Variants in WDFY4 observed in about 807,000 individuals in gnomAD.
WDFY4 encodes the protein WDFY family member 4.
WDFY4 carries 169 observed loss-of-function variants against 351.9 expected under a neutral mutation model. That is an observed-to-expected ratio of 0.48 (90% CI 0.42 to 0.55). WDFY4 has a LOEUF of 0.55. WDFY4 is among the 20% of genes least tolerant of loss of function. The pLI is 0.00. For missense variants in WDFY4, 3,803 were observed against 3,935.6 expected, an observed-to-expected ratio of 0.97 and a Z score of 0.90; for synonymous variants, 1,622 against 1,574.6, an observed-to-expected ratio of 1.03 and a Z score of -0.71.
In WDFY4 at chr10:48,966,520, C is replaced by T. The variant is rs1044824156; in HGVS notation, c.8437-6C>T. ...CCTCATGTGTGTCTGTTCCCTGTCT[C>T]TCTAGCTCTTTACCAAACCTCACCC... On this transcript the variant is annotated splice_polypyrimidine_tract_variant and splice_region_variant and intron_variant, in intron 54 of 61. Coordinates refer to ENST00000325239, the MANE Select transcript of WDFY4 (RefSeq NM_001394531.1). 1.5e-5 allele frequency: 23 copies of T among 1,551,772 alleles called. No individual in the cohort carries two copies. The highest frequency in any genetic ancestry group is 2.0e-5 in the Admixed American group (1 of 50,962).
intron 19 of WDFY4, among the ~76,000 whole-genome samples, chr10:48,783,054 T>C (rs1589597308): frequency 6.6e-6 from 1 of 152,144 alleles, no homozygotes; most frequent in East Asian, 1.9e-4. Context: ...TGTTTTTATT[T>C]GAAAATCTCA....
chr10:48,980,441 C>T (rs1199161133), intron 60 of WDFY4, among the ~76,000 whole-genome samples: 1 of 152,200 alleles, frequency 6.6e-6, no homozygotes, highest in Non-Finnish European at 1.5e-5. Flanking sequence ...AGATATTAAG[C>T]ATACTGCATT....
At chr10:48,918,794 A>T (rs1838782736) in intron 47 of WDFY4, among the ~76,000 whole-genome samples, 1 of 152,200 alleles carries the variant, frequency 6.6e-6, no homozygotes, top group Admixed American at 6.5e-5. Context: ...TGCCTTGTAC[A>T]TTGTAGAATG....
chr10:48,941,735 G>A (rs1564515529), intron 47 of WDFY4, 71 bp from the exon 48 acceptor site: 7 of 1,515,374 alleles, frequency 4.6e-6, no homozygotes, highest in South Asian at 1.2e-5. Flanking sequence ...GCCCAGGCAA[G>A]CCCCACCTCT....
intron 47 of WDFY4, among the ~76,000 whole-genome samples, chr10:48,925,388 C>T (rs1192402406): frequency 6.6e-6 from 1 of 152,154 alleles, no homozygotes; most frequent in Non-Finnish European, 1.5e-5. Context: ...TGTTGGGAAC[C>T]TCTGGGCAGG....
intron 43 of WDFY4, among the ~76,000 whole-genome samples, chr10:48,887,822 CA>C (rs1174248993): frequency 6.6e-6 from 1 of 150,834 alleles, no homozygotes; most frequent in Admixed American, 6.6e-5. Flanking sequence ...CTTGTGTATT[CA>C]AAATGACTTA....
chr10:48,857,545 G>A (rs10745284), intron 39 of WDFY4, among the ~76,000 whole-genome samples: 86,985 of 151,822 alleles, frequency 0.57, 26,498 homozygotes, highest in African/African-American at 0.79. Flanking sequence ...ATGGCCTCTG[G>A]AAAGGTCTCA....
At chr10:48,842,238 T>G (rs1038139752) in intron 39 of WDFY4, among the ~76,000 whole-genome samples, 3 of 151,930 alleles carry the variant, frequency 2.0e-5, no homozygotes, top group African/African-American at 7.3e-5. Flanking sequence ...TGAATAGAAC[T>G]GGCAGAACCA....
intron 47 of WDFY4, among the ~76,000 whole-genome samples, chr10:48,934,448 G>A (rs1840228008): frequency 6.6e-6 from 1 of 152,202 alleles, no homozygotes. Context: ...AGAAACTTGT[G>A]TGGAGTCACA....
At chr10:48,738,270 C>G (rs578033144) in intron 11 of WDFY4, among the ~76,000 whole-genome samples, 2 of 152,198 alleles carry the variant, frequency 1.3e-5, no homozygotes, top group African/African-American at 4.8e-5. Context: ...CTTTTGTTTA[C>G]TCTGTAGCCC....
At chr10:48,814,184 A>G in intron 31 of WDFY4, 102 bp downstream of exon 31, 1 of 1,391,354 alleles carries the variant, frequency 7.2e-7, no homozygotes, top group Non-Finnish European at 9.5e-7. Flanking sequence ...CCACTAATGC[A>G]AGTAATTAGC....
At chr10:48,846,240 C>T (rs2068771860) in intron 39 of WDFY4, among the ~76,000 whole-genome samples, 1 of 152,204 alleles carries the variant, frequency 6.6e-6, no homozygotes, top group Admixed American at 6.5e-5. Flanking sequence ...GGCAGGCCCA[C>T]TTCCATATTT....
At position 48,731,451 on chromosome 10, in the gene WDFY4, C is replaced by G. The variant is rs2064457290; in HGVS notation, c.1471C>G (p.Leu491Val). Residue 491 changes from leucine to valine, a missense_variant, in exon 9 of 62, where the codon CTC becomes GTC. Physicochemically the swap from Leu to Val is conservative, Grantham distance 32. Around this residue, in one of 3 missense-constraint regions of WDFY4, gnomAD observed 261 missense variants for 330.2 expected, o/e 0.79. Transcript: ENST00000325239. ...CACCCTCATGGCCCTGCAGAGCATC[C>G]TCAGCATCGCTGGTGGGGACCCCCT... is the stretch of plus-strand genomic sequence containing the variant. ...SCTLMALQSI[L>V]SIAGGDPLFT... is the part of the protein sequence containing the mutation. 1 of 1,551,608 alleles carries G rather than the reference C, an allele frequency of 6.4e-7. No individual in the cohort carries two copies. The highest frequency in any genetic ancestry group is 2.0e-5 in the Admixed American group (1 of 50,990).
intron 60 of WDFY4, 65 bp from the exon 61 acceptor site, chr10:48,981,302 A>T (rs1440763074): frequency 1.5e-6 from 2 of 1,366,598 alleles, no homozygotes; most frequent in Non-Finnish European, 2.0e-6. Flanking sequence ...CCCCGTGTGC[A>T]GATGCACACT....
intron 35 of WDFY4, chr10:48,823,757 G>T (rs942482865): frequency 6.0e-6 from 6 of 991,940 alleles, no homozygotes; most frequent in Non-Finnish European, 7.2e-6. Flanking sequence ...CGTGCTTTCA[G>T]GGGGACCAGG....
At chr10:48,871,473 CTT>C (rs5784781) in intron 40 of WDFY4, among the ~76,000 whole-genome samples, 14 of 137,138 alleles carry the variant, frequency 1.0e-4, no homozygotes, top group African/African-American at 3.1e-4. Context: ...TGGCCCCCCC[CTT>C]TTTTTTTTTT....
chr10:48,975,561 G>A (rs1842531432), intron 58 of WDFY4, among the ~76,000 whole-genome samples: 1 of 152,152 alleles, frequency 6.6e-6, no homozygotes, highest in South Asian at 2.1e-4. Flanking sequence ...AAACCTAAGG[G>A]GCCCAGGGCA....
chr10:48,966,038 G>C (rs955492108), intron 54 of WDFY4, among the ~76,000 whole-genome samples: 2 of 152,150 alleles, frequency 1.3e-5, no homozygotes, highest in Admixed American at 6.5e-5. Context: ...AATGGGATTT[G>C]CCTGTGTTCT....
At chr10:48,830,642 C>A in intron 37 of WDFY4, 58 bp from the exon 38 acceptor site, 4 of 1,507,700 alleles carry the variant, frequency 2.7e-6, no homozygotes, top group Middle Eastern at 2.3e-4. Flanking sequence ...CATCTCCCAG[C>A]CCTCTCTGGG....
Sources: allele counts gnomAD v4.1 joint callset (sites outside exome capture counted in the v4.1 genomes callset), GRCh38; gene constraint gnomAD v4.1.1; regional missense constraint gnomAD v4.1.1; transcripts MANE v1.5; gene names NCBI Gene and HGNC (gene_info 2026-07-23, HGNC 2026-07-21).